The following SHANK2 variants were observed in gnomAD, a reference collection of about 807,000 sequenced individuals.
SHANK2 encodes the protein SH3 and multiple ankyrin repeat domains protein 2.
Under a neutral mutation model 133.7 loss-of-function variants are expected in SHANK2, and 43 were observed. The ratio of observed to expected loss-of-function variants is 0.32; its 90% CI spans 0.25 to 0.41. The LOEUF is 0.41. SHANK2 is among the 10% of genes least tolerant of loss of function. The pLI, the probability that SHANK2 is intolerant of heterozygous loss-of-function variation, is 1.00. For synonymous variants in SHANK2, 1,017 were observed against 952.8 expected (o/e 1.07, Z -1.24); for missense variants, 1,994 against 2,235.8 (o/e 0.89, Z 2.18).
At chr11:70,618,482 A>AC (rs1374348636) in intron 17 of SHANK2, among the ~76,000 whole-genome samples, 3 of 152,004 alleles carry the variant, frequency 2.0e-5, no homozygotes, top group Non-Finnish European at 2.9e-5. Context: ...TCCCAGGGCC[A>AC]CCCCGCCCTA....
intron 3 of SHANK2, among the ~76,000 whole-genome samples, chr11:71,126,937 C>T (rs1203971726): frequency 2.0e-5 from 3 of 152,086 alleles, no homozygotes; most frequent in African/African-American, 4.8e-5. Flanking sequence ...GATCTCCTAA[C>T]CTCGTGATCT....
intron 14 of SHANK2, among the ~76,000 whole-genome samples, chr11:70,785,603 C>A (rs1468796060): frequency 6.6e-6 from 1 of 152,214 alleles, no homozygotes; most frequent in Admixed American, 6.5e-5. Flanking sequence ...CAGCACCCCC[C>A]AGGGGCTGGG....
At chr11:70,954,530 G>A (rs1179234742) in intron 10 of SHANK2, among the ~76,000 whole-genome samples, 1 of 152,246 alleles carries the variant, frequency 6.6e-6, no homozygotes, top group Non-Finnish European at 1.5e-5. Context: ...CAGACGAAGG[G>A]TCTGGGGGGC....
At chr11:70,510,539 C>G (rs1554969150) in intron 17 of SHANK2, among the ~76,000 whole-genome samples, 1 of 152,152 alleles carries the variant, frequency 6.6e-6, no homozygotes, top group East Asian at 1.9e-4. Context: ...CCAGCGCCAC[C>G]ACCCCCAAGT....
chr11:70,796,231 C>T (rs1265853073), intron 14 of SHANK2, among the ~76,000 whole-genome samples: 1 of 152,132 alleles, frequency 6.6e-6, no homozygotes, highest in African/African-American at 2.4e-5. Context: ...GAAAAGCCCA[C>T]AGGAGAGAGG....
chr11:70,800,437 T>G (rs1284232213), intron 13 of SHANK2, among the ~76,000 whole-genome samples: 1 of 152,210 alleles, frequency 6.6e-6, no homozygotes, highest in Non-Finnish European at 1.5e-5. Flanking sequence ...CATCTTTACC[T>G]TCTTTTAAAT....
Position 70,500,627 on chromosome 11 carries a change from G to A in SHANK2, c.2288-37C>T, listed in dbSNP as rs1332315539. On this transcript the variant is annotated intron_variant, in intron 20 of 25. Transcript: ENST00000601538. The surrounding 1 kb of genome is among the most constrained non-coding windows in gnomAD (Gnocchi z 4.5). Reference sequence around the variant, plus strand: ...AAAGGGGACCGCCATGAGCCACCAGGATGCAGCGCCCGCCCGCAGCCTACA... The same window carrying A: ...AAAGGGGACCGCCATGAGCCACCAGAATGCAGCGCCCGCCCGCAGCCTACA... 3.1e-6 allele frequency: 5 copies of A among 1,592,846 alleles called. No homozygotes were observed. The East Asian group carries it at 9.2e-5, about 29-fold the overall frequency.
chr11:71,090,891 C>A (rs1223292638), intron 8 of SHANK2, among the ~76,000 whole-genome samples: 1 of 151,330 alleles, frequency 6.6e-6, no homozygotes, highest in Non-Finnish European at 1.5e-5. Flanking sequence ...CTTGGGATCT[C>A]AGTCTTTTTC....
At chr11:70,798,857 G>A (rs907542492) in intron 13 of SHANK2, among the ~76,000 whole-genome samples, 5 of 152,204 alleles carry the variant, frequency 3.3e-5, no homozygotes, top group Non-Finnish European at 5.9e-5. Flanking sequence ...GGATGTGCAC[G>A]GCGGCCCTGT....
rs551185279 is a variant in SHANK2, at chr11:70,709,580, G to A, written c.1778-10817C>T. Among the ~76,000 whole-genome samples the A allele has an allele frequency of 2.0e-5, 3 of 152,332 alleles. No homozygotes were observed. In the South Asian group the frequency reaches 6.2e-4, roughly 32 times the overall value. On this transcript the variant is annotated intron_variant, in intron 14 of 25. Transcript: ENST00000601538. ...ACCACAGCCATCCTGACATCCCATG[G>A]GTAAATGCTCAGGACAAGCCCTAGA... is the stretch of plus-strand genomic sequence containing the variant.
intron 10 of SHANK2, among the ~76,000 whole-genome samples, chr11:70,901,214 C>G (rs1950018201): frequency 6.6e-6 from 1 of 152,158 alleles, no homozygotes; most frequent in Non-Finnish European, 1.5e-5. Flanking sequence ...AACTCTTCAT[C>G]TAATCACCTT....
intron 6 of SHANK2, among the ~76,000 whole-genome samples, chr11:71,107,135 G>A (rs1412521963): frequency 2.6e-5 from 4 of 152,088 alleles, no homozygotes; most frequent in African/African-American, 9.7e-5. Flanking sequence ...AAAGGGGAGT[G>A]GAGGGGTAAT....
At chr11:71,099,343 C>T (rs538865602) in intron 6 of SHANK2, among the ~76,000 whole-genome samples, 2 of 152,254 alleles carry the variant, frequency 1.3e-5, no homozygotes, top group South Asian at 2.1e-4. Context: ...CTGTGAGAAG[C>T]GTACCATACG....
intron 11 of SHANK2, among the ~76,000 whole-genome samples, chr11:70,854,119 G>A (rs1217311842): frequency 8.5e-5 from 13 of 152,172 alleles, no homozygotes; most frequent in African/African-American, 2.9e-4. Flanking sequence ...GGAGAAGAAG[G>A]TTTGGATGAT....
At chr11:70,639,881 T>C (rs2061154355) in intron 17 of SHANK2, among the ~76,000 whole-genome samples, 1 of 152,084 alleles carries the variant, frequency 6.6e-6, no homozygotes, top group South Asian at 2.1e-4. Flanking sequence ...TCTACGTGGC[T>C]GGGATTGGGA....
intron 17 of SHANK2, among the ~76,000 whole-genome samples, chr11:70,615,271 AG>A (rs1554995569): frequency 1.3e-5 from 2 of 152,098 alleles, no homozygotes; most frequent in Non-Finnish European, 2.9e-5. Context: ...CTCTGTGATG[AG>A]GGCCTGATAC....
chr11:70,572,888 C>G (rs1253126597), intron 17 of SHANK2, among the ~76,000 whole-genome samples: 1 of 152,188 alleles, frequency 6.6e-6, no homozygotes, highest in Non-Finnish European at 1.5e-5. Context: ...CCAGGCTTTC[C>G]TCTTCTGAGT....
intron 2 of SHANK2, among the ~76,000 whole-genome samples, chr11:71,162,456 C>T (rs1167885407): frequency 6.6e-6 from 1 of 152,174 alleles, no homozygotes; most frequent in African/African-American, 2.4e-5. Flanking sequence ...GGGGATCAAG[C>T]TTCCAACACA....
intron 17 of SHANK2, among the ~76,000 whole-genome samples, chr11:70,624,689 G>C (rs1591665171): frequency 6.6e-6 from 1 of 152,338 alleles, no homozygotes; most frequent in African/African-American, 2.4e-5. Flanking sequence ...TCACAACTGG[G>C]GGCTGGTGCT....
Sources: allele counts gnomAD v4.1 joint callset (sites outside exome capture counted in the v4.1 genomes callset), GRCh38; gene constraint gnomAD v4.1.1; non-coding constraint Gnocchi (gnomAD v3.1); transcripts MANE v1.5; gene names NCBI Gene and HGNC (gene_info 2026-07-23, HGNC 2026-07-21).